The following SLC7A8 variants were observed in gnomAD, a reference collection of about 807,000 sequenced individuals.
SLC7A8 encodes large neutral amino acids transporter small subunit 2.
A neutral mutation model predicts 51.2 loss-of-function variants in SLC7A8; 30 were observed. That is an observed-to-expected ratio of 0.59 (90% CI 0.44 to 0.80). SLC7A8 has a LOEUF of 0.80. Among genes scored for constraint, SLC7A8 ranks in the 30% least tolerant of loss-of-function variants. The pLI is 0.00. For missense variants in SLC7A8, 612 were observed against 674.4 expected (o/e 0.91, Z 1.03); for synonymous variants, 257 against 275.8 (o/e 0.93, Z 0.67).
chr14:23,153,955 G>A (rs977003594), intron 3 of SLC7A8, among the ~76,000 whole-genome samples: 15 of 152,212 alleles, frequency 9.9e-5, no homozygotes, highest in Admixed American at 7.2e-4. Context: ...GAGGGAAAGA[G>A]CACAAGAAAC....
At chr14:23,129,449 G>A in intron 9 of SLC7A8, 2 of 559,598 alleles carry the variant, frequency 3.6e-6, no homozygotes, top group Non-Finnish European at 3.1e-6. Context: ...TTCCCCAGCT[G>A]CAGTCTGCTC....
At chr14:23,176,877 G>T (rs755092548) in intron 1 of SLC7A8, among the ~76,000 whole-genome samples, 2 of 149,744 alleles carry the variant, frequency 1.3e-5, no homozygotes, top group African/African-American at 2.5e-5. Flanking sequence ...GGGAGGGAGA[G>T]GTTGCAGTGA....
intron 1 of SLC7A8, among the ~76,000 whole-genome samples, chr14:23,170,263 T>G (rs943572187): frequency 6.6e-6 from 1 of 152,186 alleles, no homozygotes; most frequent in Non-Finnish European, 1.5e-5. Context: ...CAGACTTTCC[T>G]CCATGATTCC....
Position 23,127,002 on chromosome 14 carries a change from G to T in SLC7A8, c.*175C>A. 1 of 741,342 alleles carries T rather than the reference G, an allele frequency of 1.3e-6. No homozygotes were observed. The highest frequency in any genetic ancestry group is 2.2e-6 in the Non-Finnish European group (1 of 455,122). The allele number at this position is 741,342 out of a possible 1,614,324, so 45.9% of individuals were successfully genotyped here. ...CCCTGGGGTGAGAGGCTGGTTCTTT[G>T]GGTATGAATGTCAGTTTTTGTTTAC... On this transcript the variant is annotated 3_prime_UTR_variant, in exon 11 of 11. Coordinates refer to ENST00000316902, the MANE Select transcript of SLC7A8 (RefSeq NM_012244.4).
At chr14:23,159,551 G>A (rs2048910741) in intron 3 of SLC7A8, among the ~76,000 whole-genome samples, 1 of 152,232 alleles carries the variant, frequency 6.6e-6, no homozygotes, top group Non-Finnish European at 1.5e-5. Context: ...TTAGTGTCTG[G>A]GGAGGAGCAG....
intron 3 of SLC7A8, among the ~76,000 whole-genome samples, chr14:23,161,925 T>TCA (rs57814296): frequency 0.56 from 59,713 of 106,938 alleles, 21,158 homozygotes; most frequent in Admixed American, 0.69. Flanking sequence ...AGACTCCATC[T>TCA]AAAAAAAAAA....
intron 3 of SLC7A8, among the ~76,000 whole-genome samples, chr14:23,162,469 C>G (rs1192151575): frequency 6.6e-6 from 1 of 152,244 alleles, no homozygotes; most frequent in African/African-American, 2.4e-5. Context: ...AATTTCCTTG[C>G]AGTTCTGCTG....
chr14:23,134,808 A>G (rs1448780216), intron 7 of SLC7A8, among the ~76,000 whole-genome samples: 2 of 152,274 alleles, frequency 1.3e-5, no homozygotes, highest in African/African-American at 4.8e-5. Context: ...TGTAAGAAAT[A>G]ATAAGGAGAG....
chr14:23,158,164 G>A (rs750706038), intron 3 of SLC7A8, among the ~76,000 whole-genome samples: 1 of 152,182 alleles, frequency 6.6e-6, no homozygotes, highest in Non-Finnish European at 1.5e-5. Flanking sequence ...AGCCCATCAT[G>A]GGCACTGATA....
At chr14:23,164,472 G>A (rs1419173909) in intron 3 of SLC7A8, among the ~76,000 whole-genome samples, 1 of 152,204 alleles carries the variant, frequency 6.6e-6, no homozygotes, top group Non-Finnish European at 1.5e-5. Context: ...CTGGGAAAAT[G>A]TTAACACTGG....
At chr14:23,152,354 C>T (rs1054566617) in intron 3 of SLC7A8, among the ~76,000 whole-genome samples, 2 of 151,530 alleles carry the variant, frequency 1.3e-5, no homozygotes, top group Non-Finnish European at 2.9e-5. Flanking sequence ...TGGTCTTGAA[C>T]TCCTGAGCTC....
chr14:23,143,218 C>A lies in SLC7A8; in HGVS notation c.509-14G>T. ...ATGTGAGGAGCACTGAAATGAAAGA[C>A]CCCCAAACAGACCTTCAGGGGCTGT... On this transcript the variant is annotated splice_polypyrimidine_tract_variant and intron_variant, in intron 3 of 10. Transcript: ENST00000316902. 1.2e-6 allele frequency: 2 copies of A among 1,613,848 alleles called. No homozygotes were observed. Among genetic ancestry groups the A allele is most frequent in the Non-Finnish European group, 1.7e-6 (2 of 1,179,858 alleles).
rs1594814298 is a variant in SLC7A8 at position 23,128,589 on chromosome 14, T to C, written c.1264-393A>G. Among the ~76,000 whole-genome samples the C allele has an allele frequency of 6.6e-6, 1 of 151,680 alleles. No individual in the cohort carries two copies. Among genetic ancestry groups the C allele is most frequent in the African/African-American group, 2.4e-5 (1 of 41,246 alleles). On this transcript the variant is annotated intron_variant, in intron 9 of 10. Coordinates refer to ENST00000316902, the MANE Select transcript of SLC7A8 (RefSeq NM_012244.4). The surrounding 1 kb of genome is among the most constrained non-coding windows in gnomAD (Gnocchi z 4.3). ...CTGAGGTCCTAGGGTGGAGGGGAGG[T>C]GTGGCAATGCACAAGGTGCAGGCAG...
intron 1 of SLC7A8, among the ~76,000 whole-genome samples, chr14:23,172,461 T>C (rs2048979552): frequency 6.6e-6 from 1 of 152,174 alleles, no homozygotes; most frequent in South Asian, 2.1e-4. Context: ...GGACTTTTAA[T>C]GAAACGGATG....
At chr14:23,140,243 T>C (rs1375505364) in intron 5 of SLC7A8, among the ~76,000 whole-genome samples, 1 of 152,168 alleles carries the variant, frequency 6.6e-6, no homozygotes, top group Non-Finnish European at 1.5e-5. Context: ...AGTTTTCAGC[T>C]TCTAATCTGC....
chr14:23,178,147 A>G (rs1340317973), intron 1 of SLC7A8, among the ~76,000 whole-genome samples: 2 of 152,214 alleles, frequency 1.3e-5, no homozygotes, highest in African/African-American at 4.8e-5. Context: ...TGAATGACAA[A>G]TAAGTTCAGG....
At chr14:23,180,853 G>A (rs1218133654) in intron 1 of SLC7A8, among the ~76,000 whole-genome samples, 3 of 152,054 alleles carry the variant, frequency 2.0e-5, no homozygotes, top group Admixed American at 2.0e-4. Flanking sequence ...GTGAAACCCC[G>A]TCTCTACTAA....
chr14:23,166,356 G>T lies in SLC7A8; in HGVS notation c.336C>A (p.Asp112Glu), dbSNP rs751557425. 5 of 1,613,906 alleles carry T rather than the reference G, an allele frequency of 3.1e-6. No individual in the cohort carries two copies. The highest frequency in any genetic ancestry group is 2.5e-6 in the Non-Finnish European group (3 of 1,180,026). ...KSGGDYSYVK[D>E]IFGGLAGFLR... Reference sequence around the variant, plus strand: ...CTTACCCAGCCAGTCCTCCGAAGATGTCCTTGACATAGGAGTAGTCACCTC... The same window carrying T: ...CTTACCCAGCCAGTCCTCCGAAGATTTCCTTGACATAGGAGTAGTCACCTC... Residue 112 changes from aspartate to glutamate, a missense_variant, in exon 2 of 11, where the codon GAC becomes GAA. Coordinates refer to ENST00000316902, the MANE Select transcript of SLC7A8 (RefSeq NM_012244.4).
intron 1 of SLC7A8, among the ~76,000 whole-genome samples, chr14:23,170,760 CTT>C (rs1161450531): frequency 1.3e-5 from 2 of 152,134 alleles, no homozygotes; most frequent in African/African-American, 4.8e-5. Flanking sequence ...TCTCACCACT[CTT>C]TCACCCAAGC....
Sources: allele counts gnomAD v4.1 joint callset (sites outside exome capture counted in the v4.1 genomes callset), GRCh38; gene constraint gnomAD v4.1.1; non-coding constraint Gnocchi (gnomAD v3.1); transcripts MANE v1.5; gene names NCBI Gene and HGNC (gene_info 2026-07-23, HGNC 2026-07-21).